ARID5B: variants seen among roughly 807,000 people sequenced by gnomAD.
ARID5B encodes AT-rich interactive domain-containing protein 5B.
A neutral mutation model predicts 97.2 loss-of-function variants in ARID5B; 13 were observed. The observed-to-expected ratio is 0.13, with a 90% CI of 0.09 to 0.21. ARID5B has a LOEUF of 0.21. Among genes scored for constraint, ARID5B ranks in the 10% least tolerant of loss-of-function variants. The pLI, the probability that ARID5B is intolerant of heterozygous loss-of-function variation, is 1.00. For synonymous variants in ARID5B, 556 were observed against 570.3 expected (o/e 0.97, Z 0.36); for missense variants, 1,210 against 1,465.3 (o/e 0.83, Z 2.84).
chr10:61,968,387 T>C (rs1465496674), intron 3 of ARID5B, among the ~76,000 whole-genome samples: 2 of 152,058 alleles, frequency 1.3e-5, no homozygotes, highest in African/African-American at 4.8e-5. Flanking sequence ...TAATCGTTTT[T>C]GCCTGATGTC....
chr10:61,972,954 A>G (rs1415767692), intron 3 of ARID5B, among the ~76,000 whole-genome samples: 1 of 152,248 alleles, frequency 6.6e-6, no homozygotes, highest in Admixed American at 6.5e-5. Flanking sequence ...AGTTGGGCAA[A>G]CTTAGATATA....
intron 8 of ARID5B, among the ~76,000 whole-genome samples, chr10:62,071,183 G>A (rs1013540849): frequency 3.3e-5 from 5 of 151,822 alleles, no homozygotes; most frequent in East Asian, 1.9e-4. Context: ...CTACAGGCAC[G>A]TGCTACCACG....
At chr10:62,090,811 A>G (rs761348579) in intron 9 of ARID5B, 51 bp from the exon 10 acceptor site, 1 of 1,516,548 alleles carries the variant, frequency 6.6e-7, no homozygotes, top group Non-Finnish European at 8.8e-7. Flanking sequence ...ATAGCAAAAC[A>G]TGTCTGTGTA....
intron 2 of ARID5B, among the ~76,000 whole-genome samples, 171 bp from the exon 3 acceptor site, chr10:61,940,012 C>T (rs1844370695): frequency 6.6e-6 from 1 of 152,142 alleles, no homozygotes; most frequent in Non-Finnish European, 1.5e-5. Context: ...AGTGAAAAAC[C>T]ATTGAAATGA....
chr10:61,935,903 T>C (rs1444538213), intron 2 of ARID5B, among the ~76,000 whole-genome samples: 14 of 152,216 alleles, frequency 9.2e-5, no homozygotes, highest in Admixed American at 9.2e-4. Context: ...AGTTCTCATA[T>C]CTCCTTCTGC....
chr10:61,979,430 C>T (rs892711711), intron 3 of ARID5B, among the ~76,000 whole-genome samples: 4 of 151,964 alleles, frequency 2.6e-5, no homozygotes, highest in Non-Finnish European at 4.4e-5. Context: ...TTCACAGAGT[C>T]GATGGGAGAA....
chr10:62,090,771 G>T lies in ARID5B; in HGVS notation c.1399-91G>T, dbSNP rs1397611879. The T allele has an allele frequency of 5.5e-6, 8 of 1,464,554 alleles. No individual in the cohort carries two copies. The African/African-American group carries it at 1.1e-4, about 21-fold the overall frequency. 90.7% of individuals were successfully genotyped at this position (1,464,554 alleles called of 1,614,324 possible). ...AGCTGATTGACAAGCCTGTTTTCAAGTAAAACTGCTGTGTGGAATATTTTA... is the reference window on the plus strand; with the variant it reads ...AGCTGATTGACAAGCCTGTTTTCAATTAAAACTGCTGTGTGGAATATTTTA... On this transcript the variant is annotated intron_variant, in intron 9 of 9. Transcript: ENST00000279873.
Position 62,069,659 on chromosome 10 carries a change from C to T in ARID5B, c.1102-41C>T, listed in dbSNP as rs1038054137. 1.9e-6 allele frequency: 3 copies of T among 1,561,934 alleles called. No individual in the cohort carries two copies. In the Admixed American group the frequency reaches 5.0e-5, roughly 26 times the overall value. ...TATTGAAGCCTGGCACTATGAATCTCTTATGATGTAAGATTGAATTTCCCA... is the reference window on the plus strand; with the variant it reads ...TATTGAAGCCTGGCACTATGAATCTTTTATGATGTAAGATTGAATTTCCCA... On this transcript the variant is annotated intron_variant, in intron 7 of 9. Coordinates refer to ENST00000279873, the MANE Select transcript of ARID5B (RefSeq NM_032199.3).
chr10:62,053,723 A>T (rs145718920), intron 5 of ARID5B, among the ~76,000 whole-genome samples: 1 of 152,348 alleles, frequency 6.6e-6, no homozygotes, highest in African/African-American at 2.4e-5. Context: ...GAAGTGTATT[A>T]CAGGTGGTTT....
At chr10:62,044,650 C>A (rs1302994539) in intron 4 of ARID5B, among the ~76,000 whole-genome samples, 1 of 152,116 alleles carries the variant, frequency 6.6e-6, no homozygotes, top group Admixed American at 6.5e-5. Context: ...CAGTCATGAG[C>A]CACCACCAGG....
rs142347774 is a variant in ARID5B at position 62,049,412 on chromosome 10, G to A, written c.734-1476G>A. The A allele has an allele frequency of 1.5e-4, 230 of 1,550,128 alleles. 1 individual carries two copies. The South Asian group carries it at 2.5e-3, about 17-fold the overall frequency. ...AGTCGAGACTTCCAGGGATGTGGCCGGGGAGCAGTCACATGCTGTAGCTTT... is the reference window on the plus strand; with the variant it reads ...AGTCGAGACTTCCAGGGATGTGGCCAGGGAGCAGTCACATGCTGTAGCTTT... On this transcript the variant is annotated intron_variant, in intron 4 of 9. Coordinates refer to ENST00000279873, the MANE Select transcript of ARID5B (RefSeq NM_032199.3).
chr10:61,957,608 C>T (rs1239543968), intron 3 of ARID5B, among the ~76,000 whole-genome samples: 1 of 152,110 alleles, frequency 6.6e-6, no homozygotes, highest in Admixed American at 6.5e-5. Context: ...AGCATGCAGA[C>T]TGGATGTACT....
chr10:62,090,432 G>A (rs1207420131), intron 9 of ARID5B, among the ~76,000 whole-genome samples: 1 of 152,156 alleles, frequency 6.6e-6, no homozygotes, highest in Non-Finnish European at 1.5e-5. Context: ...TTAACATGGG[G>A]TTGGTTGGAT....
intron 3 of ARID5B, among the ~76,000 whole-genome samples, chr10:61,993,317 G>A (rs554524106): frequency 7.9e-5 from 12 of 152,208 alleles, no homozygotes; most frequent in South Asian, 2.1e-4. Flanking sequence ...CTATAACCAC[G>A]AATTGATAAA....
rs59977467 is a variant in ARID5B at position 62,024,166 on chromosome 10, C to T, written c.733+23845C>T. Reference sequence around the variant, plus strand: ...GATAACTTATTATGTACCAGATAATCCATGAGGCCCTGATTAAACCTTATG... The same window carrying T: ...GATAACTTATTATGTACCAGATAATTCATGAGGCCCTGATTAAACCTTATG... On this transcript the variant is annotated intron_variant, in intron 4 of 9. Transcript: ENST00000279873. Among the ~76,000 whole-genome samples, 18 of 152,320 alleles carry T rather than the reference C, an allele frequency of 1.2e-4. 1 individual carries two copies. In the East Asian group the frequency reaches 3.3e-3, roughly 28 times the overall value.
intron 4 of ARID5B, among the ~76,000 whole-genome samples, chr10:62,033,051 C>T (rs951199309): frequency 1.3e-5 from 2 of 152,176 alleles, no homozygotes; most frequent in Non-Finnish European, 2.9e-5. Context: ...CAACAGGTTG[C>T]CATTCTTCTT....
intron 9 of ARID5B, 43 bp downstream of exon 9, chr10:62,085,943 G>A (rs745596986): frequency 5.7e-6 from 9 of 1,581,952 alleles, no homozygotes; most frequent in Non-Finnish European, 6.9e-6. Flanking sequence ...GAAGACATGT[G>A]CTGCCTCGAG....
In ARID5B at chr10:62,095,126, AACC is replaced by A. The variant is rs1173341902; in HGVS notation, c.*2098_*2100del. On this transcript the variant is annotated 3_prime_UTR_variant, in exon 10 of 10. Coordinates refer to ENST00000279873, the MANE Select transcript of ARID5B (RefSeq NM_032199.3). ...TAATATATATATATATATTTAATAG[AACC>A]ATAGATAGACTAGTAGAATTTAGAT... 4.3e-6 allele frequency: 1 copy of A among 230,270 alleles called. No individual in the cohort carries two copies. The highest frequency in any genetic ancestry group is 8.6e-6 in the Non-Finnish European group (1 of 116,152). 14.3% of individuals were successfully genotyped at this position (230,270 alleles called of 1,614,324 possible).
chr10:61,958,266 T>C (rs1838419665), intron 3 of ARID5B, among the ~76,000 whole-genome samples: 1 of 152,152 alleles, frequency 6.6e-6, no homozygotes, highest in Non-Finnish European at 1.5e-5. Flanking sequence ...TTCTTTCTTT[T>C]TGAGACGGAT....
Sources: gnomAD v4.1 joint callset for allele counts (sites outside exome capture counted in the v4.1 genomes callset) on GRCh38, gnomAD v4.1.1 for gene constraint, MANE v1.5 for transcripts, NCBI Gene and HGNC (gene_info 2026-07-23, HGNC 2026-07-21) for gene names.